Variants in MGST1 observed in about 807,000 individuals in gnomAD.
MGST1 encodes glutathione S-transferase 12.
MGST1 carries 5 observed loss-of-function variants against 8.9 expected under a neutral mutation model. The ratio of observed to expected loss-of-function variants is 0.56; its 90% CI spans 0.29 to 1.19. The LOEUF (loss-of-function observed/expected upper bound fraction) is 1.19, where lower values mean the gene tolerates loss of function less well. Ranked by LOEUF, MGST1 falls within the 50% of genes most tolerant of loss-of-function variation. The probability of loss-of-function intolerance (pLI) is 0.08; values close to 1 mark genes in which losing one functional copy is unlikely to be tolerated. For synonymous variants in MGST1, 54 were observed against 67.8 expected, an observed-to-expected ratio of 0.80 and a Z score of 1.00; for missense variants, 182 against 187.4, an observed-to-expected ratio of 0.97 and a Z score of 0.17.
In MGST1 at chr12:16,410,693, TATA is replaced by T. The variant is rs1469648893; in HGVS notation, n.779-26691_779-26689del. Among the ~76,000 whole-genome samples the T allele has an allele frequency of 6.8e-6, 1 of 148,112 alleles. No individual in the cohort carries two copies. The highest frequency in any genetic ancestry group is 1.5e-5 in the Non-Finnish European group (1 of 67,224). On this transcript the variant is annotated intron_variant and non_coding_transcript_variant, in intron 1 of 1. Transcript: ENST00000359720. This position sits in a 1 kb window ranked among gnomAD's most constrained non-coding sequence, Gnocchi z 4.4. ...TCAAATATATAATATAAATATATAA[TATA>T]ATATATAAATATATAATCAAATATT...
Position 16,412,944 on chromosome 12 carries a change from G to T in MGST1, n.779-24444G>T, listed in dbSNP as rs74974121. ...AAAAGTCAACCTTTAATGGGGAGAAGAAAAGGCTCTTGATTCAAGAAGGAC... is the reference window on the plus strand; with the variant it reads ...AAAAGTCAACCTTTAATGGGGAGAATAAAAGGCTCTTGATTCAAGAAGGAC... On this transcript the variant is annotated intron_variant and non_coding_transcript_variant, in intron 1 of 1. Transcript: ENST00000359720. Among the ~76,000 whole-genome samples the T allele has an allele frequency of 4.4e-3, 666 of 152,254 alleles. 7 individuals carry two copies. The highest frequency in any genetic ancestry group is 0.016 in the African/African-American group (645 of 41,528).
chr12:16,457,312 G>A (rs1941182031), intron 4 of MGST1, among the ~76,000 whole-genome samples: 1 of 151,758 alleles, frequency 6.6e-6, no homozygotes, highest in Non-Finnish European at 1.5e-5. Context: ...ATTTGATTTT[G>A]TTTTAAGAAA....
chr12:16,536,763 C>A (rs1426227656), intron 4 of MGST1, among the ~76,000 whole-genome samples: 1 of 152,136 alleles, frequency 6.6e-6, no homozygotes, highest in Non-Finnish European at 1.5e-5. Flanking sequence ...TCTCATGAGA[C>A]CTACTCACTA....
intron 4 of MGST1, among the ~76,000 whole-genome samples, chr12:16,479,453 G>A (rs1199570943): frequency 6.7e-6 from 1 of 150,310 alleles, no homozygotes; most frequent in Non-Finnish European, 1.5e-5. Flanking sequence ...CCAGGATGGT[G>A]TCCATCTCCT....
chr12:16,416,731 A>G (rs1429759685), intron 1 of MGST1, among the ~76,000 whole-genome samples: 1 of 152,216 alleles, frequency 6.6e-6, no homozygotes, highest in African/African-American at 2.4e-5. Flanking sequence ...AACACAGGAA[A>G]ATAAGCAAAA....
rs1940631257 is a variant in MGST1, at chr12:16,399,176, T to G, written n.778+15572T>G. ...AACCCATAAACACAAATGGCAAAAC[T>G]TCAAATGAAAACAAAAGGAAAAATA... On this transcript the variant is annotated intron_variant and non_coding_transcript_variant, in intron 1 of 1. Coordinates refer to the MGST1 transcript ENST00000359720. 10 of 1,247,102 alleles carry G rather than the reference T, an allele frequency of 8.0e-6. No homozygotes were observed. In the Admixed American group the frequency reaches 2.2e-4, roughly 27 times the overall value. 77.3% of individuals were successfully genotyped at this position (1,247,102 alleles called of 1,614,324 possible).
intron 4 of MGST1, among the ~76,000 whole-genome samples, chr12:16,570,997 A>G (rs187971865): frequency 6.6e-6 from 1 of 152,304 alleles, no homozygotes; most frequent in East Asian, 1.9e-4. Flanking sequence ...ACTAACCTGC[A>G]CATTGTGCAC....
chr12:16,412,121 G>C (rs1397676182), intron 1 of MGST1, among the ~76,000 whole-genome samples: 2 of 152,054 alleles, frequency 1.3e-5, no homozygotes, highest in Non-Finnish European at 2.9e-5. Flanking sequence ...GGACATTGAG[G>C]CTATATTATT....
intron 4 of MGST1, among the ~76,000 whole-genome samples, chr12:16,556,561 C>T (rs1942197444): frequency 6.6e-6 from 1 of 152,116 alleles, no homozygotes; most frequent in African/African-American, 2.4e-5. Context: ...CGCGTAATTC[C>T]ACAACTTTAG....
intron 4 of MGST1, among the ~76,000 whole-genome samples, chr12:16,493,782 C>T (rs540471552): frequency 1.4e-4 from 22 of 152,226 alleles, no homozygotes; most frequent in African/African-American, 4.8e-4. Context: ...GAATCTGTTC[C>T]GTCTAGGACT....
chr12:16,580,137 T>C (rs769501452), intron 4 of MGST1, among the ~76,000 whole-genome samples: 4 of 152,220 alleles, frequency 2.6e-5, no homozygotes, highest in Non-Finnish European at 5.9e-5. Flanking sequence ...TACGTTATTT[T>C]TATTTTTTAA....
At chr12:16,395,804 T>TACACACACACACACACACACACACAC (rs61693803) in intron 1 of MGST1, among the ~76,000 whole-genome samples, 1 of 123,694 alleles carries the variant, frequency 8.1e-6, no homozygotes, top group African/African-American at 3.5e-5. Flanking sequence ...TATATATATA[T>TACACACACACACACACACACACACAC]ACACACACAC....
intron 4 of MGST1, among the ~76,000 whole-genome samples, chr12:16,567,751 G>C (rs1282032616): frequency 6.6e-6 from 1 of 152,018 alleles, no homozygotes; most frequent in Admixed American, 6.6e-5. Flanking sequence ...TTCATGTTTG[G>C]TAAGTTGGTA....
At chr12:16,444,183 G>GT (rs1161206533) in intron 4 of MGST1, among the ~76,000 whole-genome samples, 1,959 of 128,360 alleles carry the variant, frequency 0.015, 20 homozygotes, top group African/African-American at 0.027. Context: ...GGCTGATTTG[G>GT]TTTTTTTTTT....
In MGST1 at chr12:16,482,041, A is replaced by G. The variant is rs891637100; in HGVS notation, n.482+98437A>G. Reference sequence around the variant, plus strand: ...GGAATAATAAGCAGATTGACAATGTAAGCTAAGGCATATAAAATAATAACA... The same window carrying G: ...GGAATAATAAGCAGATTGACAATGTGAGCTAAGGCATATAAAATAATAACA... On this transcript the variant is annotated intron_variant and non_coding_transcript_variant, in intron 4 of 4. Transcript: ENST00000538857. The surrounding 1 kb of genome is among the most constrained non-coding windows in gnomAD (Gnocchi z 4.2). 6.6e-6 allele frequency among the ~76,000 whole-genome samples: 1 copy of G among 152,258 alleles called. No individual in the cohort carries two copies. The highest frequency in any genetic ancestry group is 1.5e-5 in the Non-Finnish European group (1 of 68,046).
chr12:16,489,425 C>A (rs1420647869), intron 4 of MGST1, among the ~76,000 whole-genome samples: 1 of 152,074 alleles, frequency 6.6e-6, no homozygotes, highest in Non-Finnish European at 1.5e-5. Context: ...TGATAGTATG[C>A]AGAGCTCATA....
chr12:16,396,422 G>A (rs1292083335), intron 1 of MGST1, among the ~76,000 whole-genome samples: 2 of 152,106 alleles, frequency 1.3e-5, no homozygotes, highest in Non-Finnish European at 2.9e-5. Flanking sequence ...TGTATTACTG[G>A]AAGTCTTAGT....
intron 1 of MGST1, among the ~76,000 whole-genome samples, chr12:16,395,927 C>CT (rs1940602011): frequency 6.6e-6 from 1 of 151,588 alleles, no homozygotes; most frequent in Non-Finnish European, 1.5e-5. Flanking sequence ...ATGCAAGTAT[C>CT]TTTTTTCATA....
At chr12:16,463,429 A>G (rs1202559424) in intron 4 of MGST1, among the ~76,000 whole-genome samples, 1 of 101,936 alleles carries the variant, frequency 9.8e-6, no homozygotes, top group Non-Finnish European at 1.9e-5. Context: ...GAGGTAGTAT[A>G]TGCTCTGGGG....
Sources: gnomAD v4.1 joint callset for allele counts (sites outside exome capture counted in the v4.1 genomes callset) on GRCh38, gnomAD v4.1.1 for gene constraint, Gnocchi (gnomAD v3.1) non-coding constraint, MANE v1.5 for transcripts, NCBI Gene and HGNC (gene_info 2026-07-23, HGNC 2026-07-21) for gene names.